The following CTBP1 variants were observed in gnomAD, a reference collection of about 807,000 sequenced individuals.
CTBP1 encodes the protein C-terminal-binding protein 1.
Under a neutral mutation model 42.1 loss-of-function variants are expected in CTBP1, and 11 were observed. The ratio of observed to expected loss-of-function variants is 0.26; its 90% CI spans 0.16 to 0.43. The LOEUF (loss-of-function observed/expected upper bound fraction) is 0.43, where lower values mean the gene tolerates loss of function less well. Ranked by LOEUF, CTBP1 falls within the 20% of genes least tolerant of loss-of-function variation. CTBP1 has a pLI of 1.00. For synonymous variants in CTBP1, 324 were observed against 277.1 expected, an observed-to-expected ratio of 1.17 and a Z score of -1.68; for missense variants, 399 against 624.3, an observed-to-expected ratio of 0.64 and a Z score of 3.85.
rs954142820 is a variant in CTBP1, at chr4:1,225,300, T to C, written c.514+60A>G. On this transcript the variant is annotated intron_variant, in intron 5 of 9. Coordinates refer to ENST00000382952, the MANE Select transcript of CTBP1 (RefSeq NM_001012614.2). ...CCGGGCCTCTCCTCCTGGGCACAGC[T>C]GAAGAGCGGCAGCGCCAGACACAGG... 1.1e-5 allele frequency: 16 copies of C among 1,495,944 alleles called. No individual in the cohort carries two copies. In the African/African-American group the frequency reaches 1.5e-4, roughly 14 times the overall value. The allele number at this position is 1,495,944 out of a possible 1,614,324, so 92.7% of individuals were successfully genotyped here.
At chr4:1,213,722 A>C in intron 7 of CTBP1, 117 bp from the exon 8 acceptor site, 1 of 1,373,968 alleles carries the variant, frequency 7.3e-7, no homozygotes, top group South Asian at 1.4e-5. Context: ...CACAGACCCC[A>C]CGGCCCTGCT....
intron 1 of CTBP1, among the ~76,000 whole-genome samples, chr4:1,245,985 A>G (rs1732679325): frequency 6.6e-6 from 1 of 152,220 alleles, no homozygotes; most frequent in Admixed American, 6.5e-5. Context: ...CTCAAGGTTA[A>G]CGTTTGGCTC....
At chr4:1,248,807 G>T (rs1057044512) in intron 1 of CTBP1, 109 bp downstream of exon 1, 6 of 932,988 alleles carry the variant, frequency 6.4e-6, no homozygotes, top group South Asian at 9.9e-5. Context: ...ACACAAAGCC[G>T]GCGGCCCGCG....
intron 5 of CTBP1, among the ~76,000 whole-genome samples, chr4:1,218,750 G>A (rs1306762280): frequency 1.3e-5 from 2 of 152,172 alleles, no homozygotes; most frequent in African/African-American, 4.8e-5. Flanking sequence ...AGTTATGAAG[G>A]CGTATCCTAA....
At chr4:1,239,971 T>C (rs918433530) in intron 2 of CTBP1, among the ~76,000 whole-genome samples, 2 of 152,216 alleles carry the variant, frequency 1.3e-5, no homozygotes, top group Non-Finnish European at 2.9e-5. Context: ...CTGTGTGTGG[T>C]GGTGATGACT....
Position 1,212,442 on chromosome 4 carries a change from T to A in CTBP1, c.1107-19A>T. On this transcript the variant is annotated intron_variant, in intron 9 of 9. Coordinates refer to ENST00000382952, the MANE Select transcript of CTBP1 (RefSeq NM_001012614.2). ...AGGGTACCTGCTGGGAGAGGGTCCA[T>A]CCGTGAGGCCCACCTGTAGGCGGCC... The A allele has an allele frequency of 1.4e-6, 2 of 1,423,866 alleles. No homozygotes were observed. Among genetic ancestry groups the A allele is most frequent in the Non-Finnish European group, 1.8e-6 (2 of 1,090,578 alleles). 88.2% of individuals were successfully genotyped at this position (1,423,866 alleles called of 1,614,324 possible).
chr4:1,238,348 G>A lies in CTBP1; in HGVS notation c.8-11C>T. On this transcript the variant is annotated splice_polypyrimidine_tract_variant and intron_variant, in intron 2 of 9. Coordinates refer to ENST00000382952, the MANE Select transcript of CTBP1 (RefSeq NM_001012614.2). This position sits in a 1 kb window ranked among gnomAD's most constrained non-coding sequence, Gnocchi z 5.9. ...TCGGAGGTCGGACGCCTGCAAGACA[G>A]AGGCAAGTGCTCAGCCTTGCACCAC... 1 of 1,551,090 alleles carries A rather than the reference G, an allele frequency of 6.4e-7. No individual in the cohort carries two copies. Among genetic ancestry groups the A allele is most frequent in the South Asian group, 1.2e-5 (1 of 82,628 alleles).
At position 1,212,253 on chromosome 4, in the gene CTBP1, C is replaced by A; in HGVS notation, c.1277G>T (p.Ser426Ile). 1.5e-6 allele frequency: 2 copies of A among 1,329,696 alleles called. No homozygotes were observed. Among genetic ancestry groups the A allele is most frequent in the Non-Finnish European group, 2.0e-6 (2 of 1,016,664 alleles). 82.4% of individuals were successfully genotyped at this position (1,329,696 alleles called of 1,614,324 possible). Residue 426 changes from serine (S) to isoleucine (I), a missense_variant, in exon 10 of 10, where the codon AGT becomes ATT. Coordinates refer to ENST00000382952, the MANE Select transcript of CTBP1 (RefSeq NM_001012614.2). ...VKPEADRDHA[S>I]DQL ...GCTCCTCCCGGGCTACAACTGGTCA[C>A]TGGCGTGGTCTCTATCCGCCTCGGG...
At chr4:1,245,736 G>T (rs11933429) in intron 1 of CTBP1, 2 of 953,914 alleles carry the variant, frequency 2.1e-6, no homozygotes, top group Admixed American at 6.2e-5. Context: ...AGGGTGGCAC[G>T]TGTGGGTAGG....
chr4:1,237,946 G>A (rs1284838363), intron 3 of CTBP1: 1 of 707,420 alleles, frequency 1.4e-6, no homozygotes, highest in Non-Finnish European at 2.6e-6. Context: ...ATGGGGCACA[G>A]GGAAAACCCC....
At chr4:1,228,737 AC>A (rs1730653864) in intron 3 of CTBP1, among the ~76,000 whole-genome samples, 1 of 151,624 alleles carries the variant, frequency 6.6e-6, no homozygotes, top group Non-Finnish European at 1.5e-5. Context: ...GTGCGGCCAC[AC>A]CCAGGAAGGA....
At chr4:1,242,447 C>T (rs1446568857) in intron 1 of CTBP1, 1 of 985,336 alleles carries the variant, frequency 1.0e-6, no homozygotes, top group Non-Finnish European at 1.2e-6. Context: ...GGCCACTCAG[C>T]CAAGCCTAAG....
chr4:1,227,277 G>A (rs573841790), intron 4 of CTBP1, among the ~76,000 whole-genome samples: 6 of 151,056 alleles, frequency 4.0e-5, no homozygotes, highest in Admixed American at 6.6e-5. Context: ...TGCTGAGTGC[G>A]TGTGCACAGG....
At chr4:1,213,779 C>A (rs1362433502) in intron 7 of CTBP1, 174 bp from the exon 8 acceptor site, 2 of 760,538 alleles carry the variant, frequency 2.6e-6, no homozygotes, top group South Asian at 2.2e-5. Context: ...CCGGGACCAT[C>A]AGACACACCA....
chr4:1,224,248 T>C (rs1730071624), intron 5 of CTBP1, among the ~76,000 whole-genome samples: 1 of 152,184 alleles, frequency 6.6e-6, no homozygotes, highest in Non-Finnish European at 1.5e-5. Flanking sequence ...GTGGTGCCCA[T>C]GTGTGCCATG....
At chr4:1,241,795 GC>G in intron 1 of CTBP1, 1 of 1,181,936 alleles carries the variant, frequency 8.5e-7, no homozygotes. Flanking sequence ...CCCCAGGGCT[GC>G]GGCCACCCCC....
Position 1,213,029 on chromosome 4 carries a change from G to T in CTBP1, c.990C>A (p.Gly330=). 1 of 1,613,600 alleles carries T rather than the reference G, an allele frequency of 6.2e-7. No homozygotes were observed. The highest frequency in any genetic ancestry group is 8.5e-7 in the Non-Finnish European group (1 of 1,179,780). ...AAREIRRAIT[G]RIPDSLKNCV... is the part of the protein sequence containing the mutation. ...AGTTCTTCAGGCTGTCTGGGATCCG[G>T]CCTGGGAGATGCAGGAGGAAGGAAC... Residue 330 remains glycine (G), a splice_region_variant and synonymous_variant, in exon 9 of 10, where the codon GGC becomes GGA. Transcript: ENST00000382952.
At chr4:1,243,576 C>CA (rs1462419624) in intron 1 of CTBP1, 2 of 985,314 alleles carry the variant, frequency 2.0e-6, no homozygotes, top group Non-Finnish European at 2.4e-6. Context: ...ACTGTGCACC[C>CA]ACAAAGCGCC....
Position 1,212,107 on chromosome 4 carries a change from C to G in CTBP1, c.*133G>C. The G allele has an allele frequency of 1.4e-6, 1 of 725,388 alleles. No individual in the cohort carries two copies. The allele number at this position is 725,388 out of a possible 1,614,324, so 44.9% of individuals were successfully genotyped here. A position where few individuals can be genotyped will look rare whatever the true frequency, so the allele number is the denominator to read the frequency against. ...GCGACACGAGGCCCAGCGCTGCCCC[C>G]TCCCGCCTCCTGACAGCCCGGACCA... On this transcript the variant is annotated 3_prime_UTR_variant, in exon 10 of 10. Transcript: ENST00000382952.
Sources: allele counts gnomAD v4.1 joint callset (sites outside exome capture counted in the v4.1 genomes callset), GRCh38; gene constraint gnomAD v4.1.1; non-coding constraint Gnocchi (gnomAD v3.1); transcripts MANE v1.5; gene names NCBI Gene and HGNC (gene_info 2026-07-23, HGNC 2026-07-21).